Variants in ENTREP2 observed in about 807,000 individuals in gnomAD.
The protein encoded by ENTREP2 is protein ENTREP2.
At chr15:29,632,440 T>C in the ENTREP2 span, among the ~76,000 whole-genome samples, 207 of 152,272 alleles carry the variant, frequency 1.4e-3, no homozygotes, top group African/African-American at 4.7e-3. Context: ...TCTTTTATTT[T>C]CAAATACAGA....
chr15:29,544,156 C>T, the ENTREP2 span, among the ~76,000 whole-genome samples: 1 of 152,004 alleles, frequency 6.6e-6, no homozygotes, highest in Non-Finnish European at 1.5e-5. Context: ...TTACAAAATA[C>T]AGTAACACTG....
chr15:29,380,797 G>A, the ENTREP2 span, among the ~76,000 whole-genome samples: 1 of 150,818 alleles, frequency 6.6e-6, no homozygotes, highest in African/African-American at 2.4e-5. Context: ...ACATATGCAT[G>A]TATAGTGCAT....
chr15:29,352,180 C>T, the ENTREP2 span, among the ~76,000 whole-genome samples: 514 of 152,254 alleles, frequency 3.4e-3, 5 homozygotes, highest in African/African-American at 0.012. Context: ...AGCAATCCTC[C>T]TGCCTTGGCC....
the ENTREP2 span, among the ~76,000 whole-genome samples, chr15:29,257,916 G>A: frequency 6.6e-6 from 1 of 152,032 alleles, no homozygotes; most frequent in Non-Finnish European, 1.5e-5. Context: ...AGGTCACATA[G>A]AAAGGGCCAA....
chr15:29,135,337 CG>C, the ENTREP2 span, among the ~76,000 whole-genome samples: 1 of 152,124 alleles, frequency 6.6e-6, no homozygotes. This position sits in a 1 kb window ranked among gnomAD's most constrained non-coding sequence, Gnocchi z 7.4. Flanking sequence ...GTTTTCCAGT[CG>C]TTTGCTTTCT....
chr15:29,467,907 C>T, the ENTREP2 span, among the ~76,000 whole-genome samples: 18 of 152,088 alleles, frequency 1.2e-4, no homozygotes, highest in African/African-American at 4.3e-4. Context: ...ATGAAAGCCA[C>T]CCAGCAATCA....
the ENTREP2 span, among the ~76,000 whole-genome samples, chr15:29,575,637 GAACT>G: frequency 1.3e-5 from 2 of 152,210 alleles, no homozygotes; most frequent in South Asian, 2.1e-4. Flanking sequence ...AAAGCTACTA[GAACT>G]AATAAACAAA....
chr15:29,329,710 A>T, the ENTREP2 span, among the ~76,000 whole-genome samples: 1 of 152,232 alleles, frequency 6.6e-6, no homozygotes, highest in African/African-American at 2.4e-5. Context: ...TAAGAACGTG[A>T]TAAAAATTAA....
At chr15:29,152,409 T>C in the ENTREP2 span, among the ~76,000 whole-genome samples, 8 of 152,130 alleles carry the variant, frequency 5.3e-5, no homozygotes, top group Non-Finnish European at 1.0e-4. Flanking sequence ...CACACTCACC[T>C]CCCTTTCCCT....
chr15:29,626,811 G>T, the ENTREP2 span, among the ~76,000 whole-genome samples: 1 of 152,030 alleles, frequency 6.6e-6, no homozygotes, highest in African/African-American at 2.4e-5. Flanking sequence ...TCTTACTCAA[G>T]TTTAGGAGGT....
chr15:29,566,802 A>G, the ENTREP2 span, among the ~76,000 whole-genome samples: 1 of 151,600 alleles, frequency 6.6e-6, no homozygotes, highest in African/African-American at 2.4e-5. Context: ...TATTAATTTC[A>G]GAGTATGAAA....
chr15:29,204,013 C>T, the ENTREP2 span, among the ~76,000 whole-genome samples: 4 of 152,224 alleles, frequency 2.6e-5, no homozygotes, highest in East Asian at 5.8e-4. Flanking sequence ...AGGGAATAGA[C>T]ATCCAAATAA....
chr15:29,492,945 A>C, the ENTREP2 span, among the ~76,000 whole-genome samples: 2 of 151,364 alleles, frequency 1.3e-5, no homozygotes, highest in South Asian at 4.2e-4. Flanking sequence ...CGGAGGTTGC[A>C]GTGAGCTGAG....
At chr15:29,500,491 A>G in the ENTREP2 span, among the ~76,000 whole-genome samples, 1 of 152,160 alleles carries the variant, frequency 6.6e-6, no homozygotes, top group African/African-American at 2.4e-5. Flanking sequence ...CCATTGGCCA[A>G]TGGGTCAAAG....
chr15:29,186,519 C>A, the ENTREP2 span, among the ~76,000 whole-genome samples: 2 of 152,206 alleles, frequency 1.3e-5, no homozygotes, highest in Non-Finnish European at 2.9e-5. Context: ...TATCTTAAAG[C>A]TGTGTTTGCA....
chr15:29,499,081 G>GT, the ENTREP2 span, among the ~76,000 whole-genome samples: 2 of 152,082 alleles, frequency 1.3e-5, no homozygotes, highest in Non-Finnish European at 2.9e-5. Flanking sequence ...GTTGAGTCTT[G>GT]TTTTTAAATC....
At chr15:29,552,478 A>T in the ENTREP2 span, among the ~76,000 whole-genome samples, 3 of 152,270 alleles carry the variant, frequency 2.0e-5, 1 homozygote, top group East Asian at 5.8e-4. Flanking sequence ...GTACACCTGT[A>T]GTCCCAGCTA....
chr15:29,517,498 G>A, the ENTREP2 span, among the ~76,000 whole-genome samples: 3 of 151,992 alleles, frequency 2.0e-5, no homozygotes, highest in African/African-American at 7.2e-5. Context: ...TGTCCTCTGC[G>A]CTTCTACACT....
the ENTREP2 span, among the ~76,000 whole-genome samples, chr15:29,531,229 C>T: frequency 1.3e-5 from 2 of 152,280 alleles, no homozygotes; most frequent in Non-Finnish European, 2.9e-5. Flanking sequence ...AGGTAGGGGA[C>T]GGGAAGCCAG....
Sources: gnomAD v4.1 joint callset for allele counts (sites outside exome capture counted in the v4.1 genomes callset) on GRCh38, gnomAD v4.1.1 for gene constraint, Gnocchi (gnomAD v3.1) non-coding constraint, MANE v1.5 for transcripts, NCBI Gene and HGNC (gene_info 2026-07-23, HGNC 2026-07-21) for gene names.